Variants in BMP5 observed in about 807,000 individuals in gnomAD.
BMP5 encodes the protein bone morphogenetic protein 5.
A neutral mutation model predicts 46.6 loss-of-function variants in BMP5; 23 were observed. That is an observed-to-expected ratio of 0.49 (90% confidence interval 0.35 to 0.70). The LOEUF is 0.70. Among genes scored for constraint, BMP5 ranks in the 30% least tolerant of loss-of-function variants. The pLI is 0.00. For synonymous variants in BMP5, 204 were observed against 191.9 expected (o/e 1.06, Z -0.52); for missense variants, 545 against 565.6 (o/e 0.96, Z 0.37).
At chr6:55,792,535 C>CAAAA (rs78969394) in intron 3 of BMP5, among the ~76,000 whole-genome samples, 1 of 74,672 alleles carries the variant, frequency 1.3e-5, no homozygotes, top group African/African-American at 4.4e-5. Flanking sequence ...GACTCCGTCT[C>CAAAA]AAAAAAAAAA....
At chr6:55,865,499 G>C in intron 1 of BMP5, 1 of 459,324 alleles carries the variant, frequency 2.2e-6, no homozygotes, top group South Asian at 1.6e-5. Flanking sequence ...GTCTCATGAA[G>C]GCTCTGACAT....
At chr6:55,792,921 TA>T (rs1372569054) in intron 3 of BMP5, among the ~76,000 whole-genome samples, 1 of 152,056 alleles carries the variant, frequency 6.6e-6, no homozygotes, top group Admixed American at 6.6e-5. Flanking sequence ...GTTCTCTTAT[TA>T]ATGATCTTTT....
chr6:55,843,885 C>T (rs1047568919), intron 1 of BMP5, among the ~76,000 whole-genome samples: 1 of 151,926 alleles, frequency 6.6e-6, no homozygotes, highest in Non-Finnish European at 1.5e-5. Flanking sequence ...TTAAAATACA[C>T]CTTATGACAT....
chr6:55,770,990 A>C (rs2127519930), intron 4 of BMP5, among the ~76,000 whole-genome samples: 1 of 152,052 alleles, frequency 6.6e-6, no homozygotes, highest in East Asian at 1.9e-4. Flanking sequence ...ATAACAGTAA[A>C]ATTTTGAAAT....
Position 55,819,781 on chromosome 6 carries a change from T to G in BMP5, c.557A>C (p.Gln186Pro). ...TGTCACTGCCTCTCCATGAGGAATT[T>G]GGGTAAGATCAAATCGAAATTCTTT... ...HYKEFRFDLT[Q>P]IPHGEAVTAA... Residue 186 changes from glutamine (Q) to proline (P), a missense_variant, in exon 2 of 7, where the codon CAA (glutamine) becomes CCA (proline). Transcript: ENST00000370830. 6.2e-7 allele frequency: 1 copy of G among 1,613,862 alleles called. No homozygotes were observed. Among genetic ancestry groups the G allele is most frequent in the Non-Finnish European group, 8.5e-7 (1 of 1,179,888 alleles).
intron 3 of BMP5, among the ~76,000 whole-genome samples, chr6:55,790,873 A>G (rs1429582625): frequency 6.6e-6 from 1 of 152,112 alleles, no homozygotes; most frequent in Non-Finnish European, 1.5e-5. Context: ...TCTTTGTTGT[A>G]TCACTATTTT....
chr6:55,837,202 C>T (rs984631581), intron 1 of BMP5, among the ~76,000 whole-genome samples: 2 of 151,894 alleles, frequency 1.3e-5, no homozygotes, highest in Admixed American at 6.6e-5. Context: ...TGGGTGTGGG[C>T]GACCACAGAG....
intron 2 of BMP5, among the ~76,000 whole-genome samples, chr6:55,802,589 GA>G (rs1775875517): frequency 6.6e-6 from 1 of 151,698 alleles, no homozygotes. Flanking sequence ...AAAATAAACA[GA>G]AAATTGATAG....
At chr6:55,844,702 C>G (rs1203718596) in intron 1 of BMP5, among the ~76,000 whole-genome samples, 3 of 151,564 alleles carry the variant, frequency 2.0e-5, no homozygotes, top group African/African-American at 7.2e-5. Flanking sequence ...AAATTTTTTT[C>G]TTGACCTTTA....
rs1774544556 is a variant in BMP5, at chr6:55,754,953, C to G, written c.*580G>C. The stretch of plus-strand genomic sequence containing the variant: ...GTTAAAGCAAACAGTTAAAACAATT[C>G]TGTGCAATCTTTCAGCTTCTATGTT... On this transcript the variant is annotated 3_prime_UTR_variant, in exon 7 of 7. Transcript: ENST00000370830. 6.6e-6 allele frequency: 1 copy of G among 152,214 alleles called. No individual in the cohort carries two copies. The highest frequency in any genetic ancestry group is 1.5e-5 in the Non-Finnish European group (1 of 68,136). 9.4% of individuals were successfully genotyped at this position (152,214 alleles called of 1,614,324 possible).
chr6:55,825,049 A>G (rs186578464), intron 1 of BMP5, among the ~76,000 whole-genome samples: 1 of 152,014 alleles, frequency 6.6e-6, no homozygotes, highest in African/African-American at 2.4e-5. Context: ...GTCCATCAAC[A>G]TAGGGTTGTT....
intron 1 of BMP5, among the ~76,000 whole-genome samples, chr6:55,863,000 T>A (rs1777558709): frequency 6.6e-6 from 1 of 152,218 alleles, no homozygotes; most frequent in South Asian, 2.1e-4. Flanking sequence ...AAAAAAATCC[T>A]GGCACAAGAA....
intron 3 of BMP5, among the ~76,000 whole-genome samples, chr6:55,788,252 GATTAA>G (rs1775495200): frequency 6.6e-6 from 1 of 151,424 alleles, no homozygotes; most frequent in Admixed American, 6.6e-5. Flanking sequence ...TATTTTCATT[GATTAA>G]ATTAGTAATC....
At chr6:55,804,134 T>C (rs1775927462) in intron 2 of BMP5, among the ~76,000 whole-genome samples, 1 of 152,232 alleles carries the variant, frequency 6.6e-6, no homozygotes, top group Non-Finnish European at 1.5e-5. Flanking sequence ...AAAACATATG[T>C]TGAAGTACTA....
chr6:55,773,958 A>T, intron 4 of BMP5, 91 bp downstream of exon 4: 2 of 1,359,662 alleles, frequency 1.5e-6, no homozygotes, highest in Non-Finnish European at 2.1e-6. Flanking sequence ...CCGAAGGTAT[A>T]CATAGAGGGT....
At chr6:55,826,133 T>C (rs1776526366) in intron 1 of BMP5, among the ~76,000 whole-genome samples, 1 of 151,894 alleles carries the variant, frequency 6.6e-6, no homozygotes, top group East Asian at 1.9e-4. Context: ...GTACATGTTT[T>C]CCATGAATGG....
At chr6:55,791,421 G>C (rs1222775027) in intron 3 of BMP5, among the ~76,000 whole-genome samples, 1 of 151,996 alleles carries the variant, frequency 6.6e-6, no homozygotes, top group Non-Finnish European at 1.5e-5. Context: ...CAATATCAAA[G>C]AGATAAGGAA....
intron 3 of BMP5, among the ~76,000 whole-genome samples, chr6:55,785,261 AAAT>A (rs1209945727): frequency 2.0e-5 from 3 of 151,714 alleles, no homozygotes; most frequent in African/African-American, 7.2e-5. Context: ...TATAGACAGA[AAAT>A]AAGTTGATAA....
intron 4 of BMP5, among the ~76,000 whole-genome samples, chr6:55,766,666 G>C (rs1342062424): frequency 6.6e-6 from 1 of 152,028 alleles, no homozygotes; most frequent in African/African-American, 2.4e-5. Flanking sequence ...ATCTGGTTAT[G>C]ATTCTTCTTT....
Sources: allele counts gnomAD v4.1 joint callset (sites outside exome capture counted in the v4.1 genomes callset), GRCh38; gene constraint gnomAD v4.1.1; transcripts MANE v1.5; gene names NCBI Gene and HGNC (gene_info 2026-07-23, HGNC 2026-07-21).